The following RFC1 variants were observed in gnomAD, a reference collection of about 807,000 sequenced individuals.
RFC1 encodes the protein A1 140 kDa subunit.
A neutral mutation model predicts 137.4 loss-of-function variants in RFC1; 37 were observed. That is an observed-to-expected ratio of 0.27 (90% confidence interval 0.21 to 0.35). The LOEUF is 0.35. RFC1 is among the 10% of genes least tolerant of loss of function. The pLI is 1.00. For synonymous variants in RFC1, 429 were observed against 455.7 expected (o/e 0.94, Z 0.75); for missense variants, 1,205 against 1,358.5 (o/e 0.89, Z 1.78).
chr4:39,307,503 T>C (rs1578120413), intron 13 of RFC1: 1 of 152,690 alleles, frequency 6.5e-6, no homozygotes, highest in African/African-American at 2.4e-5. Context: ...GAGCACAAGG[T>C]CAGGAGTTCA....
intron 19 of RFC1, among the ~76,000 whole-genome samples, 169 bp downstream of exon 19, chr4:39,302,109 A>T (rs1184708345): frequency 6.6e-6 from 1 of 152,188 alleles, no homozygotes; most frequent in Non-Finnish European, 1.5e-5. Context: ...TTGAGAAAAA[A>T]ATCATTTGAA....
intron 22 of RFC1, among the ~76,000 whole-genome samples, chr4:39,292,615 A>AT (rs1737743242): frequency 3.5e-5 from 5 of 143,980 alleles, no homozygotes; most frequent in South Asian, 4.5e-4. Context: ...ATATGTATAC[A>AT]TTATTTATTT....
intron 19 of RFC1, among the ~76,000 whole-genome samples, chr4:39,302,014 G>A (rs896747981): frequency 1.3e-5 from 2 of 152,064 alleles, no homozygotes; most frequent in African/African-American, 4.8e-5. Flanking sequence ...AAGAACTCTG[G>A]AAAAGCCATT....
At chr4:39,296,717 G>C (rs1738031615) in intron 21 of RFC1, among the ~76,000 whole-genome samples, 1 of 151,174 alleles carries the variant, frequency 6.6e-6, no homozygotes, top group South Asian at 2.1e-4. Context: ...AAACATACAT[G>C]TGCATGTGTC....
Position 39,302,277 on chromosome 4 carries a change from C to A in RFC1, c.2535+1G>T. 1.9e-6 allele frequency: 3 copies of A among 1,593,466 alleles called. No homozygotes were observed. Among genetic ancestry groups the A allele is most frequent in the Non-Finnish European group, 2.6e-6 (3 of 1,161,258 alleles). On this transcript the variant is annotated splice_donor_variant, in intron 19 of 24. Coordinates refer to ENST00000349703, the MANE Select transcript of RFC1 (RefSeq NM_002913.5). LOFTEE classifies it high-confidence loss of function. ...AACTAAGACATGGACATTTATTTTA[C>A]CATTTTGATATCCTTTTTGGCTCTG...
At chr4:39,290,371 TA>T (rs11343926) in intron 23 of RFC1, among the ~76,000 whole-genome samples, 73,752 of 142,274 alleles carry the variant, frequency 0.52, 19,836 homozygotes, top group African/African-American at 0.73. Context: ...AGATTCTGTC[TA>T]AAAAAAAAAA....
At chr4:39,337,439 T>C (rs1358599585) in intron 4 of RFC1, among the ~76,000 whole-genome samples, 1 of 82,516 alleles carries the variant, frequency 1.2e-5, no homozygotes, top group East Asian at 3.2e-4. Flanking sequence ...CAAATAAGTG[T>C]GTGTGTGTGT....
chr4:39,325,788 T>C (rs1351110997), intron 6 of RFC1, among the ~76,000 whole-genome samples: 2 of 152,340 alleles, frequency 1.3e-5, no homozygotes, highest in East Asian at 3.9e-4. Flanking sequence ...TGCCTTTTCC[T>C]ATTACAAGCT....
At chr4:39,291,949 C>A in intron 22 of RFC1, 97 bp from the exon 23 acceptor site, 1 of 867,996 alleles carries the variant, frequency 1.2e-6, no homozygotes, top group Non-Finnish European at 1.9e-6. Flanking sequence ...GAGTTCAATC[C>A]AATTTCAATA....
intron 1 of RFC1, among the ~76,000 whole-genome samples, chr4:39,355,681 C>T (rs946036472): frequency 3.9e-5 from 6 of 152,272 alleles, no homozygotes; most frequent in African/African-American, 1.4e-4. Flanking sequence ...CAGATGCTCA[C>T]GCACTATACT....
At chr4:39,318,781 A>G (rs902351856) in intron 9 of RFC1, among the ~76,000 whole-genome samples, 7 of 152,262 alleles carry the variant, frequency 4.6e-5, no homozygotes, top group Non-Finnish European at 1.0e-4. Flanking sequence ...CGTATTTATA[A>G]GCATTGTCCA....
At chr4:39,321,257 C>T in intron 8 of RFC1, 30 bp downstream of exon 8, 4 of 1,509,012 alleles carry the variant, frequency 2.7e-6, no homozygotes, top group Non-Finnish European at 2.8e-6. Flanking sequence ...AAGACAAGTG[C>T]TCCATCTTAC....
At chr4:39,346,201 G>A (rs1253317032) in intron 2 of RFC1, among the ~76,000 whole-genome samples, 1 of 152,188 alleles carries the variant, frequency 6.6e-6, no homozygotes, top group Non-Finnish European at 1.5e-5. Context: ...AACCAGCCAG[G>A]CTCAGTGGCT....
intron 2 of RFC1, among the ~76,000 whole-genome samples, chr4:39,350,233 C>G (rs2109754267): frequency 6.6e-6 from 1 of 151,784 alleles, no homozygotes; most frequent in East Asian, 1.9e-4. Flanking sequence ...TAAAAATGAA[C>G]AAGGCTCAAT....
At chr4:39,364,676 T>C (rs1741933173) in intron 1 of RFC1, among the ~76,000 whole-genome samples, 1 of 152,184 alleles carries the variant, frequency 6.6e-6, no homozygotes, top group African/African-American at 2.4e-5. Flanking sequence ...CACTGGTAGC[T>C]GTGTAGTTGC....
At chr4:39,301,395 A>G (rs1405174227) in intron 19 of RFC1, among the ~76,000 whole-genome samples, 1 of 152,244 alleles carries the variant, frequency 6.6e-6, no homozygotes, top group Non-Finnish European at 1.5e-5. Context: ...CACACAACGT[A>G]CAACACCAAG....
Position 39,316,785 on chromosome 4 carries a change from C to G in RFC1, c.1203+130G>C, listed in dbSNP as rs1739259198. On this transcript the variant is annotated intron_variant, in intron 10 of 24. Coordinates refer to ENST00000349703, the MANE Select transcript of RFC1 (RefSeq NM_002913.5). Reference sequence around the variant, plus strand: ...AATAAACATCCCTAATTCTTGAAGACAGTAACTGAAGCTTTTCTGTTGCTC... The same window carrying G: ...AATAAACATCCCTAATTCTTGAAGAGAGTAACTGAAGCTTTTCTGTTGCTC... 1.0e-5 allele frequency: 6 copies of G among 581,420 alleles called. No individual in the cohort carries two copies. In the South Asian group the frequency reaches 1.4e-4, roughly 13 times the overall value. 36.0% of individuals were successfully genotyped at this position (581,420 alleles called of 1,614,324 possible).
At chr4:39,327,855 G>T in intron 4 of RFC1, 99 bp from the exon 5 acceptor site, 1 of 904,524 alleles carries the variant, frequency 1.1e-6, no homozygotes, top group Non-Finnish European at 1.6e-6. Context: ...CAAGAGGCTA[G>T]ACATGGTGGC....
At chr4:39,301,976 A>C (rs1309899050) in intron 19 of RFC1, among the ~76,000 whole-genome samples, 1 of 152,216 alleles carries the variant, frequency 6.6e-6, no homozygotes, top group East Asian at 1.9e-4. Context: ...ACAGTGCAAA[A>C]CCATTCCAAA....
Sources: allele counts gnomAD v4.1 joint callset (sites outside exome capture counted in the v4.1 genomes callset), GRCh38; gene constraint gnomAD v4.1.1; transcripts MANE v1.5; gene names NCBI Gene and HGNC (gene_info 2026-07-23, HGNC 2026-07-21).